Variants in CEP85L observed in about 807,000 individuals in gnomAD.
CEP85L encodes the protein centrosomal protein of 85 kDa-like.
In CEP85L, 60 loss-of-function variants were observed where a neutral mutation model predicts 100.3. The ratio of observed to expected loss-of-function variants is 0.60; its 90% CI spans 0.49 to 0.74. The LOEUF (loss-of-function observed/expected upper bound fraction) is 0.74, where lower values mean the gene tolerates loss of function less well. CEP85L is among the 30% of genes least tolerant of loss of function. The pLI is 0.00. For missense variants in CEP85L, 973 were observed against 936.2 expected (o/e 1.04, Z -0.51); for synonymous variants, 319 against 322.7 (o/e 0.99, Z 0.12).
At chr6:118,624,874 AC>A (rs752739120) in intron 2 of CEP85L, among the ~76,000 whole-genome samples, 2 of 152,200 alleles carry the variant, frequency 1.3e-5, no homozygotes, top group Non-Finnish European at 2.9e-5. Flanking sequence ...CATATAAGAA[AC>A]TAGACCTTTC....
At chr6:118,644,321 G>A (rs1406822161) in intron 1 of CEP85L, among the ~76,000 whole-genome samples, 1 of 151,430 alleles carries the variant, frequency 6.6e-6, no homozygotes, top group Admixed American at 6.6e-5. Flanking sequence ...ATCTTCCTCT[G>A]CCTGAAGAGA....
At chr6:118,647,100 A>G in intron 1 of CEP85L, 1 of 982,994 alleles carries the variant, frequency 1.0e-6, no homozygotes. Flanking sequence ...TTGTTACCAC[A>G]GTATTCCTAG....
chr6:118,492,542 T>C (rs1048023105), intron 5 of CEP85L, among the ~76,000 whole-genome samples: 3 of 152,128 alleles, frequency 2.0e-5, no homozygotes, highest in Non-Finnish European at 4.4e-5. Context: ...CTCTCCCCCA[T>C]GTAGGATTAA....
chr6:118,558,733 TGAGG>T, intron 3 of CEP85L: 1 of 628,496 alleles, frequency 1.6e-6, no homozygotes. Context: ...ACAATAGTGC[TGAGG>T]AAGATGAATT....
chr6:118,632,090 C>T (rs989018709), intron 2 of CEP85L, among the ~76,000 whole-genome samples: 4 of 152,214 alleles, frequency 2.6e-5, no homozygotes, highest in South Asian at 2.1e-4. Flanking sequence ...CCTGGGTTCA[C>T]GCCATTCTCG....
chr6:118,485,816 T>C (rs562876802), intron 6 of CEP85L, among the ~76,000 whole-genome samples: 18 of 152,334 alleles, frequency 1.2e-4, no homozygotes, highest in African/African-American at 4.3e-4. Flanking sequence ...TGCTCTTGCC[T>C]TAGCAAATGA....
intron 1 of CEP85L, among the ~76,000 whole-genome samples, chr6:118,707,190 CTT>C (rs5879468): frequency 7.4e-6 from 1 of 135,836 alleles, no homozygotes; most frequent in Non-Finnish European, 1.5e-5. Context: ...TCCTCATCTG[CTT>C]TTTTTTTTTT....
upstream of CEP85L, among the ~76,000 whole-genome samples, chr6:118,653,253 T>G (rs1223849639): frequency 6.6e-6 from 1 of 152,212 alleles, no homozygotes; most frequent in Non-Finnish European, 1.5e-5. Flanking sequence ...TTTCAATATC[T>G]ATTACAGAGT....
chr6:118,496,187 C>CA (rs1358459139), intron 5 of CEP85L, among the ~76,000 whole-genome samples: 2 of 152,114 alleles, frequency 1.3e-5, no homozygotes, highest in African/African-American at 2.4e-5. Flanking sequence ...TGAAAAATGT[C>CA]ACCTGAATTT....
chr6:118,639,446 A>C (rs1336107680), intron 1 of CEP85L, among the ~76,000 whole-genome samples: 1 of 152,144 alleles, frequency 6.6e-6, no homozygotes, highest in Non-Finnish European at 1.5e-5. Flanking sequence ...TACAAAAACT[A>C]TCTAGCCACA....
chr6:118,469,071 C>T lies in CEP85L; in HGVS notation c.2254+1G>A. 6 of 1,597,662 alleles carry T rather than the reference C, an allele frequency of 3.8e-6. No individual in the cohort carries two copies. The highest frequency in any genetic ancestry group is 5.1e-6 in the Non-Finnish European group (6 of 1,165,324). ...ATAAGGACAAGTCATCAGACACTTA[C>T]ATCTTATTCCCAGTAATAATGAAAG... On this transcript the variant is annotated splice_donor_variant, in intron 12 of 12. Transcript: ENST00000368491. LOFTEE classifies it high-confidence loss of function.
At chr6:118,526,558 T>C (rs1262826902) in intron 3 of CEP85L, among the ~76,000 whole-genome samples, 1 of 152,182 alleles carries the variant, frequency 6.6e-6, no homozygotes, top group Non-Finnish European at 1.5e-5. Flanking sequence ...AAGGACCACA[T>C]TATTCCACTG....
intron 2 of CEP85L, among the ~76,000 whole-genome samples, chr6:118,621,267 G>C (rs147278534): frequency 1.5e-3 from 221 of 152,258 alleles, no homozygotes; most frequent in African/African-American, 5.2e-3. Context: ...TCATCAATGA[G>C]GCAGTAATTC....
intron 4 of CEP85L, among the ~76,000 whole-genome samples, chr6:118,518,159 G>C (rs1215276159): frequency 6.6e-6 from 1 of 152,036 alleles, no homozygotes; most frequent in Non-Finnish European, 1.5e-5. Flanking sequence ...TTTTTGCATC[G>C]ATGTTCATCA....
At chr6:118,620,380 C>G (rs1773361789) in intron 2 of CEP85L, among the ~76,000 whole-genome samples, 1 of 152,120 alleles carries the variant, frequency 6.6e-6, no homozygotes, top group African/African-American at 2.4e-5. Context: ...TTGGTCATGG[C>G]TCTCAGACAA....
In CEP85L at chr6:118,565,798, G is replaced by C. The variant is rs3734382; in HGVS notation, c.751C>G (p.Pro251Ala). Residue 251 changes from proline (P) to alanine (A), a missense_variant, in exon 3 of 13, where the codon CCT becomes GCT. Transcript: ENST00000368491. ...RASSSTLRRQPVDMTYSALPE... is the reference protein window; with the variant it reads ...RASSSTLRRQAVDMTYSALPE... ...AAGGCACTATATGTCATGTCTACAGGCTGTCTCCTAAGAGTAGAGGAAGAG... is the reference window on the plus strand; with the variant it reads ...AAGGCACTATATGTCATGTCTACAGCCTGTCTCCTAAGAGTAGAGGAAGAG... 2.5e-6 allele frequency: 4 copies of C among 1,613,942 alleles called. No individual in the cohort carries two copies. The highest frequency in any genetic ancestry group is 2.7e-5 in the African/African-American group (2 of 74,978).
At chr6:118,491,093 A>C (rs551424179) in intron 6 of CEP85L, among the ~76,000 whole-genome samples, 30 of 152,044 alleles carry the variant, frequency 2.0e-4, no homozygotes, top group African/African-American at 6.3e-4. Context: ...TTGTTTAAGG[A>C]GTCTCCACGC....
chr6:118,519,432 CTG>C (rs546998242), intron 4 of CEP85L, among the ~76,000 whole-genome samples: 1,102 of 23,786 alleles, frequency 0.046, 39 homozygotes, highest in Non-Finnish European at 0.057. Context: ...GAGCAAAACT[CTG>C]TGTGTGTGTG....
chr6:118,674,300 T>TG (rs1776410205), intron 1 of CEP85L, among the ~76,000 whole-genome samples: 1 of 151,798 alleles, frequency 6.6e-6, no homozygotes, highest in African/African-American at 2.4e-5. Context: ...CCAAGGCGGG[T>TG]GGATCACAAG....
Sources: allele counts gnomAD v4.1 joint callset (sites outside exome capture counted in the v4.1 genomes callset), GRCh38; gene constraint gnomAD v4.1.1; transcripts MANE v1.5; gene names NCBI Gene and HGNC (gene_info 2026-07-23, HGNC 2026-07-21).